EGFLAM: variants seen among roughly 807,000 people sequenced by gnomAD.
EGFLAM encodes the protein EGF like, fibronectin type III and laminin G domains.
In EGFLAM, 79 loss-of-function variants were observed where a neutral mutation model predicts 113.1. The ratio of observed to expected loss-of-function variants is 0.70; its 90% CI spans 0.58 to 0.84. The LOEUF is 0.84. Ranked by LOEUF, EGFLAM falls within the 40% of genes least tolerant of loss-of-function variation. The probability of loss-of-function intolerance (pLI) is 0.00; values close to 1 mark genes in which losing one functional copy is unlikely to be tolerated. For missense variants in EGFLAM, 1,265 were observed against 1,291.6 expected, an observed-to-expected ratio of 0.98 and a Z score of 0.32; for synonymous variants, 504 against 487.6, an observed-to-expected ratio of 1.03 and a Z score of -0.44.
chr5:38,361,561 T>C (rs990175546), intron 5 of EGFLAM, among the ~76,000 whole-genome samples: 1 of 152,068 alleles, frequency 6.6e-6, no homozygotes, highest in Non-Finnish European at 1.5e-5. Context: ...TGGGCCACAT[T>C]GGAAGAGGAA....
chr5:38,434,871 G>C (rs1742294823), intron 15 of EGFLAM, among the ~76,000 whole-genome samples: 1 of 152,204 alleles, frequency 6.6e-6, no homozygotes, highest in African/African-American at 2.4e-5. Flanking sequence ...TCATGACATA[G>C]CTATGAGGTA....
rs374407046 is a variant in EGFLAM at position 38,459,850 on chromosome 5, C to G, written c.2771+1456C>G. On this transcript the variant is annotated intron_variant, in intron 20 of 21. Transcript: ENST00000322350. The stretch of plus-strand genomic sequence containing the variant: ...AGGAAATGGGGATACAGAGGCAGAT[C>G]TGTGCCTCTCAGCTTCCCAGATGGT... Among the ~76,000 whole-genome samples, 26 of 152,192 alleles carry G rather than the reference C, an allele frequency of 1.7e-4. 1 individual carries two copies. Among genetic ancestry groups the G allele is most frequent in the East Asian group, 1.5e-3 (8 of 5,182 alleles).
chr5:38,356,293 A>G (rs1296375095), intron 5 of EGFLAM, among the ~76,000 whole-genome samples: 1 of 152,192 alleles, frequency 6.6e-6, no homozygotes, highest in East Asian at 1.9e-4. Flanking sequence ...GACTTCAGTC[A>G]AGTTATCCTT....
chr5:38,441,617 C>T (rs1280847859), intron 17 of EGFLAM, among the ~76,000 whole-genome samples: 1 of 152,010 alleles, frequency 6.6e-6, no homozygotes, highest in East Asian at 1.9e-4. Context: ...CACACACACA[C>T]ACACACGCAT....
At chr5:38,448,094 G>A (rs1379700027) in intron 17 of EGFLAM, among the ~76,000 whole-genome samples, 1 of 152,170 alleles carries the variant, frequency 6.6e-6, no homozygotes, top group Non-Finnish European at 1.5e-5. Context: ...ACTTCCCCAG[G>A]AGGGAAAAAT....
At chr5:38,398,782 T>G (rs1435203536) in intron 6 of EGFLAM, among the ~76,000 whole-genome samples, 1 of 152,194 alleles carries the variant, frequency 6.6e-6, no homozygotes, top group African/African-American at 2.4e-5. Flanking sequence ...CTGACATTAT[T>G]CCGTCTAACC....
chr5:38,295,039 C>T (rs1223956514), intron 1 of EGFLAM, among the ~76,000 whole-genome samples: 5 of 152,166 alleles, frequency 3.3e-5, no homozygotes, highest in African/African-American at 4.8e-5. Flanking sequence ...GTTGGTCAGG[C>T]TGGTCTCGAA....
At chr5:38,409,245 GT>G in intron 10 of EGFLAM, 141 bp downstream of exon 10, 1 of 713,578 alleles carries the variant, frequency 1.4e-6, no homozygotes, top group Non-Finnish European at 2.3e-6. Flanking sequence ...GTATGAACCA[GT>G]TTACCAAATA....
chr5:38,431,556 A>G (rs1237759149), intron 15 of EGFLAM, among the ~76,000 whole-genome samples: 1 of 152,120 alleles, frequency 6.6e-6, no homozygotes, highest in Non-Finnish European at 1.5e-5. Flanking sequence ...ATTGCCTTTC[A>G]CCTCTTCGCC....
At chr5:38,456,470 C>T (rs1235559192) in intron 19 of EGFLAM, among the ~76,000 whole-genome samples, 1 of 152,134 alleles carries the variant, frequency 6.6e-6, no homozygotes, top group Admixed American at 6.5e-5. Context: ...ATCATGAAAT[C>T]TCAAAATTCC....
At chr5:38,313,063 G>C (rs1461527330) in intron 1 of EGFLAM, among the ~76,000 whole-genome samples, 1 of 152,152 alleles carries the variant, frequency 6.6e-6, no homozygotes, top group East Asian at 1.9e-4. Context: ...ATGCCAGCCT[G>C]GGTGATGGAT....
intron 1 of EGFLAM, among the ~76,000 whole-genome samples, chr5:38,283,292 A>G (rs954145389): frequency 6.6e-6 from 1 of 152,110 alleles, no homozygotes; most frequent in African/African-American, 2.4e-5. Flanking sequence ...GAGGGGGGAA[A>G]AGCTTTATTC....
intron 1 of EGFLAM, among the ~76,000 whole-genome samples, chr5:38,262,973 C>G (rs911470302): frequency 6.6e-6 from 1 of 152,092 alleles, no homozygotes; most frequent in African/African-American, 2.4e-5. Context: ...GCTCCTAATC[C>G]TCTACAACAC....
rs1561060243 is a variant in EGFLAM at position 38,385,274 on chromosome 5, ACCCAC to A, written c.712+14816_712+14820del. ...AGAATTGATTCAAGGACTGTTTCCC[ACCCAC>A]CCCCCCCCCCCGCCCCCGCCACCGC... is the stretch of plus-strand genomic sequence containing the variant. On this transcript the variant is annotated intron_variant, in intron 6 of 21. Transcript: ENST00000322350. 1.5e-3 allele frequency among the ~76,000 whole-genome samples: 49 copies of A among 33,634 alleles called. 1 individual carries two copies. The highest frequency in any genetic ancestry group is 2.1e-3 in the Admixed American group (7 of 3,330). 22.1% of individuals were successfully genotyped at this position (33,634 alleles called of 152,430 possible).
At chr5:38,368,135 A>T (rs1561051124) in intron 5 of EGFLAM, among the ~76,000 whole-genome samples, 1 of 152,222 alleles carries the variant, frequency 6.6e-6, no homozygotes, top group Non-Finnish European at 1.5e-5. Flanking sequence ...GAAGCTTAGC[A>T]AACGATAGCA....
chr5:38,263,519 G>GT (rs755377643), intron 1 of EGFLAM, among the ~76,000 whole-genome samples: 155 of 152,246 alleles, frequency 1.0e-3, no homozygotes, highest in Non-Finnish European at 1.7e-3. Context: ...AATTTTGAGT[G>GT]TTTTTTGTAT....
chr5:38,383,271 G>A (rs1740564359), intron 6 of EGFLAM, among the ~76,000 whole-genome samples: 1 of 152,184 alleles, frequency 6.6e-6, no homozygotes, highest in South Asian at 2.1e-4. Flanking sequence ...TTACAATGCT[G>A]TGTCAAAATG....
At chr5:38,388,437 T>C (rs1431202530) in intron 6 of EGFLAM, among the ~76,000 whole-genome samples, 1 of 151,954 alleles carries the variant, frequency 6.6e-6, no homozygotes, top group Non-Finnish European at 1.5e-5. Flanking sequence ...CTGGGCAATG[T>C]GGTGAAACCC....
At chr5:38,293,550 C>T (rs1758387932) in intron 1 of EGFLAM, among the ~76,000 whole-genome samples, 1 of 152,176 alleles carries the variant, frequency 6.6e-6, no homozygotes, top group African/African-American at 2.4e-5. Context: ...TCCACACACA[C>T]AAAATGTGAA....
Sources: gnomAD v4.1 joint callset for allele counts (sites outside exome capture counted in the v4.1 genomes callset) on GRCh38, gnomAD v4.1.1 for gene constraint, MANE v1.5 for transcripts, NCBI Gene and HGNC (gene_info 2026-07-23, HGNC 2026-07-21) for gene names.